The following DNAH3 variants were observed in gnomAD, a reference collection of about 807,000 sequenced individuals.
The protein encoded by DNAH3 is dynein axonemal heavy chain 3.
DNAH3 carries 332 observed loss-of-function variants against 432.5 expected under a neutral mutation model. The ratio of observed to expected loss-of-function variants is 0.77; its 90% CI spans 0.70 to 0.84. DNAH3 has a LOEUF of 0.84. Among genes scored for constraint, DNAH3 ranks in the 40% least tolerant of loss-of-function variants. The pLI is 0.00. For missense variants in DNAH3, 4,861 were observed against 5,114.0 expected (o/e 0.95, Z 1.51); for synonymous variants, 1,956 against 1,900.2 (o/e 1.03, Z -0.76).
At chr16:21,150,531 T>C (rs997311322) in intron 1 of DNAH3, 5 of 227,430 alleles carry the variant, frequency 2.2e-5, no homozygotes, top group African/African-American at 1.2e-4. Context: ...CGCTGAGGAG[T>C]TCCCTGGTAA....
chr16:21,135,307 A>T (rs117333679), intron 6 of DNAH3, among the ~76,000 whole-genome samples: 2,223 of 152,320 alleles, frequency 0.015, 24 homozygotes, highest in Non-Finnish European at 0.025. Context: ...TTATATTTAC[A>T]AATAGAAGTT....
intron 5 of DNAH3, 169 bp downstream of exon 6, chr16:21,140,367 G>A (rs1194214654): frequency 1.0e-5 from 6 of 602,018 alleles, no homozygotes; most frequent in South Asian, 2.4e-5. Context: ...TCTCTCACTC[G>A]CACAAGCACA....
At chr16:20,996,696 C>A (rs556102829) in intron 44 of DNAH3, among the ~76,000 whole-genome samples, 1 of 151,830 alleles carries the variant, frequency 6.6e-6, no homozygotes, top group Admixed American at 6.6e-5. Context: ...TGGCCTCAAG[C>A]GATCTACCCG....
Position 20,983,113 on chromosome 16 carries a change from TA to T in DNAH3, c.7666-200del, listed in dbSNP as rs933877229. 6.6e-5 allele frequency among the ~76,000 whole-genome samples: 10 copies of T among 152,096 alleles called. No individual in the cohort carries two copies. In the South Asian group the frequency reaches 1.0e-3, roughly 16 times the overall value. On this transcript the variant is annotated intron_variant, in intron 48 of 61. Coordinates refer to ENST00000261383, the Ensembl canonical transcript of DNAH3. ...GGAGCCCATTACAATAGCCCCTTTT[TA>T]AAAAAAATTTTAATTTTTTATTTTT...
intron 52 of DNAH3, among the ~76,000 whole-genome samples, chr16:20,969,141 G>A (rs751205947): frequency 2.2e-5 from 3 of 138,288 alleles, no homozygotes; most frequent in Admixed American, 7.4e-5. Flanking sequence ...TCTTTCTCCC[G>A]ATTTCCTTCT....
intron 27 of DNAH3, among the ~76,000 whole-genome samples, chr16:21,054,793 G>C (rs554767565): frequency 6.6e-6 from 1 of 152,284 alleles, no homozygotes. Context: ...CAAAATTATA[G>C]GAGTGAGCAG....
intron 56 of DNAH3, among the ~76,000 whole-genome samples, chr16:20,950,154 G>A (rs1596913082): frequency 6.6e-6 from 1 of 152,168 alleles, no homozygotes; most frequent in South Asian, 2.1e-4. Flanking sequence ...AGCTCCAGGC[G>A]CACTTCTTTG....
intron 42 of DNAH3, among the ~76,000 whole-genome samples, chr16:21,002,466 T>C (rs1255321431): frequency 6.6e-6 from 1 of 151,122 alleles, no homozygotes; most frequent in African/African-American, 2.4e-5. Flanking sequence ...ATTATTATTA[T>C]TATTATTATT....
intron 16 of DNAH3, 63 bp from the exon 17 acceptor site, chr16:21,098,832 G>A: frequency 6.5e-7 from 1 of 1,530,134 alleles, no homozygotes; most frequent in Non-Finnish European, 8.8e-7. Flanking sequence ...CAAAACATCA[G>A]CACTGCTTGC....
At chr16:21,108,329 C>A (rs770521979) in intron 14 of DNAH3, among the ~76,000 whole-genome samples, 13 of 152,176 alleles carry the variant, frequency 8.5e-5, no homozygotes, top group Non-Finnish European at 1.5e-4. Flanking sequence ...GGACATTATA[C>A]ATTTATTTGG....
chr16:21,120,746 T>C (rs983834305), exon 11 of DNAH3: 3 of 1,609,368 alleles, frequency 1.9e-6, no homozygotes, highest in Non-Finnish European at 2.6e-6. Context: ...GTACCTGCCA[T>C]TGCAGTGGCA....
Position 21,153,114 on chromosome 16 carries a change from A to G in DNAH3, c.117+6211T>C, listed in dbSNP as rs985368434. ...TATGGCTAGCTCAGGGATTGTAAAT[A>G]CACCAATCAGCACCCTGAGTCTAAC... On this transcript the variant is annotated intron_variant, in intron 1 of 61. Transcript: ENST00000261383. 6.6e-5 allele frequency among the ~76,000 whole-genome samples: 10 copies of G among 152,266 alleles called. No homozygotes were observed. The East Asian group carries it at 1.7e-3, about 27-fold the overall frequency.
intron 42 of DNAH3, among the ~76,000 whole-genome samples, chr16:21,000,986 G>A (rs1453607643): frequency 2.0e-5 from 3 of 152,136 alleles, no homozygotes; most frequent in Non-Finnish European, 2.9e-5. Flanking sequence ...TGTCTCCCTT[G>A]TCCCAGGCAA....
intron 1 of DNAH3, among the ~76,000 whole-genome samples, chr16:21,153,148 T>C (rs976206078): frequency 1.3e-5 from 2 of 152,248 alleles, no homozygotes. Flanking sequence ...ACTCAGGGTT[T>C]GTGAATGCAC....
chr16:20,958,557 T>C (rs1215441425), intron 54 of DNAH3, among the ~76,000 whole-genome samples: 3 of 152,154 alleles, frequency 2.0e-5, no homozygotes, highest in African/African-American at 7.2e-5. Context: ...TCTCTTTGCT[T>C]TTCCAAATGC....
intron 16 of DNAH3, among the ~76,000 whole-genome samples, chr16:21,099,338 G>T (rs921610271): frequency 6.6e-6 from 1 of 152,020 alleles, no homozygotes; most frequent in African/African-American, 2.4e-5. Flanking sequence ...CCATAGACAG[G>T]ACAAACAATA....
At chr16:20,973,416 C>G (rs1156353838) in intron 51 of DNAH3, among the ~76,000 whole-genome samples, 1 of 152,110 alleles carries the variant, frequency 6.6e-6, no homozygotes, top group Non-Finnish European at 1.5e-5. Context: ...CCACACCCAG[C>G]TAATTTTTGT....
intron 44 of DNAH3, among the ~76,000 whole-genome samples, chr16:20,994,640 C>T (rs1183973372): frequency 1.3e-5 from 2 of 152,174 alleles, no homozygotes; most frequent in African/African-American, 4.8e-5. Flanking sequence ...TCAACATTCA[C>T]TCCTCAATCT....
At chr16:20,945,836 C>T (rs1469418883) in intron 57 of DNAH3, among the ~76,000 whole-genome samples, 1 of 152,116 alleles carries the variant, frequency 6.6e-6, no homozygotes, top group Non-Finnish European at 1.5e-5. Flanking sequence ...TCTATAGACT[C>T]GCCCCGAATT....
Sources: allele counts gnomAD v4.1 joint callset (sites outside exome capture counted in the v4.1 genomes callset), GRCh38; gene constraint gnomAD v4.1.1; transcripts MANE v1.5; gene names NCBI Gene and HGNC (gene_info 2026-07-23, HGNC 2026-07-21).